Variants in FOXP1 observed in about 807,000 individuals in gnomAD.
The protein encoded by FOXP1 is forkhead box protein P1.
A neutral mutation model predicts 98.2 loss-of-function variants in FOXP1; 15 were observed. The ratio of observed to expected loss-of-function variants is 0.15; its 90% CI spans 0.10 to 0.24. FOXP1 has a LOEUF of 0.24. FOXP1 is among the 10% of genes least tolerant of loss of function. FOXP1 has a pLI of 1.00. For missense variants in FOXP1, 633 were observed against 848.5 expected (o/e 0.75, Z 3.15); for synonymous variants, 371 against 314.5 (o/e 1.18, Z -1.90).
At chr3:71,349,763 T>TA (rs1410240540) in intron 4 of FOXP1, among the ~76,000 whole-genome samples, 1 of 152,206 alleles carries the variant, frequency 6.6e-6, no homozygotes, top group Non-Finnish European at 1.5e-5. Flanking sequence ...TACCCTTTGA[T>TA]AACAAGTAAT....
At chr3:71,187,627 T>A (rs1412797631) in intron 6 of FOXP1, among the ~76,000 whole-genome samples, 2 of 152,130 alleles carry the variant, frequency 1.3e-5, no homozygotes, top group Admixed American at 6.5e-5. Context: ...TCTATATAAA[T>A]ACATGTGATA....
chr3:71,310,691 C>T (rs1304007719), intron 4 of FOXP1, among the ~76,000 whole-genome samples: 1 of 152,326 alleles, frequency 6.6e-6, no homozygotes, highest in South Asian at 2.1e-4. Context: ...GGCGTTTCTG[C>T]CCAGAGTCCC....
intron 20 of FOXP1, among the ~76,000 whole-genome samples, chr3:70,959,667 T>C (rs1450673572): frequency 1.3e-5 from 2 of 152,252 alleles, no homozygotes; most frequent in East Asian, 3.8e-4. Context: ...ACGGAACATT[T>C]GCATCACTGC....
intron 3 of FOXP1, among the ~76,000 whole-genome samples, chr3:71,431,370 C>A (rs762984411): frequency 6.6e-6 from 1 of 152,062 alleles, no homozygotes; most frequent in Non-Finnish European, 1.5e-5. Flanking sequence ...GTTTTCTCAG[C>A]GACTTAACTT....
chr3:70,987,288 G>C (rs2039907866), intron 14 of FOXP1, among the ~76,000 whole-genome samples: 1 of 152,204 alleles, frequency 6.6e-6, no homozygotes, highest in Non-Finnish European at 1.5e-5. Flanking sequence ...CAAACTTTTA[G>C]GTTCAGACAC....
intron 6 of FOXP1, among the ~76,000 whole-genome samples, chr3:71,119,810 A>G (rs2058629548): frequency 6.6e-6 from 1 of 152,198 alleles, no homozygotes; most frequent in South Asian, 2.1e-4. Context: ...AAAAAAAGAA[A>G]AAGAAAGAAA....
chr3:71,337,016 T>A (rs2076726749), intron 4 of FOXP1, among the ~76,000 whole-genome samples: 1 of 152,190 alleles, frequency 6.6e-6, no homozygotes, highest in South Asian at 2.1e-4. Context: ...AATCTTCAGA[T>A]TAAGAAACTT....
At chr3:71,526,530 G>A (rs1380723504) in intron 2 of FOXP1, among the ~76,000 whole-genome samples, 1 of 152,096 alleles carries the variant, frequency 6.6e-6, no homozygotes, top group Non-Finnish European at 1.5e-5. Flanking sequence ...GCAGAAACGG[G>A]GCTCTAAGAA....
At chr3:71,234,135 C>T (rs572575319) in intron 5 of FOXP1, among the ~76,000 whole-genome samples, 2 of 148,508 alleles carry the variant, frequency 1.3e-5, no homozygotes, top group South Asian at 4.3e-4. Flanking sequence ...ATTAAAATCG[C>T]TTTTACATGT....
At chr3:71,561,844 C>G (rs2046566318) in intron 2 of FOXP1, among the ~76,000 whole-genome samples, 1 of 152,222 alleles carries the variant, frequency 6.6e-6, no homozygotes, top group Admixed American at 6.5e-5. Context: ...TCCAAAGATG[C>G]ATTCCCACCT....
intron 3 of FOXP1, among the ~76,000 whole-genome samples, chr3:71,441,211 C>T (rs1158931154): frequency 6.6e-6 from 1 of 152,204 alleles, no homozygotes; most frequent in Admixed American, 6.5e-5. Flanking sequence ...TGGGACTGTA[C>T]TATGGATCAG....
At chr3:71,046,735 C>G (rs982274724) in intron 10 of FOXP1, among the ~76,000 whole-genome samples, 1 of 152,184 alleles carries the variant, frequency 6.6e-6, no homozygotes, top group African/African-American at 2.4e-5. Context: ...TACAGCTAAG[C>G]CTTCAGACCA....
At chr3:71,390,302 A>G (rs921805945) in intron 3 of FOXP1, among the ~76,000 whole-genome samples, 2 of 152,184 alleles carry the variant, frequency 1.3e-5, no homozygotes, top group African/African-American at 4.8e-5. Flanking sequence ...TCACCCAGAC[A>G]AAAGAAACAC....
chr3:70,988,380 AC>A (rs2040093869), intron 13 of FOXP1, among the ~76,000 whole-genome samples: 1 of 152,152 alleles, frequency 6.6e-6, no homozygotes, highest in Non-Finnish European at 1.5e-5. Flanking sequence ...CTATTAACCA[AC>A]CTTATTCATG....
At chr3:71,172,971 T>C (rs1377016666) in intron 6 of FOXP1, among the ~76,000 whole-genome samples, 2 of 152,160 alleles carry the variant, frequency 1.3e-5, no homozygotes, top group African/African-American at 2.4e-5. Flanking sequence ...TGAAGTCGTA[T>C]CCAGAGGCTC....
intron 2 of FOXP1, among the ~76,000 whole-genome samples, chr3:71,533,767 G>A (rs2044055555): frequency 6.6e-6 from 1 of 152,152 alleles, no homozygotes; most frequent in South Asian, 2.1e-4. Flanking sequence ...TTTGTTGAAT[G>A]AATAATTAAA....
chr3:71,265,088 C>A (rs2069507827), intron 5 of FOXP1, among the ~76,000 whole-genome samples: 1 of 152,090 alleles, frequency 6.6e-6, no homozygotes, highest in South Asian at 2.1e-4. Context: ...CTGTGAAGTG[C>A]TAGCTCTAAT....
chr3:71,579,624 TC>T (rs1362939803), intron 2 of FOXP1, among the ~76,000 whole-genome samples: 4 of 112,472 alleles, frequency 3.6e-5, no homozygotes, highest in Non-Finnish European at 5.8e-5. Context: ...TTCTTTTTTT[TC>T]TTTTTTCTTT....
At chr3:71,439,344 G>A (rs1282613870) in intron 3 of FOXP1, among the ~76,000 whole-genome samples, 1 of 152,194 alleles carries the variant, frequency 6.6e-6, no homozygotes, top group African/African-American at 2.4e-5. Context: ...AGGTAGCAGT[G>A]ATGTAATGAA....
Sources: gnomAD v4.1 joint callset for allele counts (sites outside exome capture counted in the v4.1 genomes callset) on GRCh38, gnomAD v4.1.1 for gene constraint, MANE v1.5 for transcripts, NCBI Gene and HGNC (gene_info 2026-07-23, HGNC 2026-07-21) for gene names.